ENKUR: variants seen among roughly 807,000 people sequenced by gnomAD.
The protein encoded by ENKUR is enkurin.
ENKUR carries 19 observed loss-of-function variants against 27.6 expected under a neutral mutation model. The observed-to-expected ratio is 0.69, with a 90% CI of 0.48 to 1.01. ENKUR has a LOEUF of 1.01. Ranked by LOEUF, ENKUR falls within the 50% of genes least tolerant of loss-of-function variation. The probability of loss-of-function intolerance (pLI) is 0.00; values close to 1 mark genes in which losing one functional copy is unlikely to be tolerated. For missense variants in ENKUR, 312 were observed against 310.5 expected (o/e 1.00, Z -0.04); for synonymous variants, 117 against 96.9 (o/e 1.21, Z -1.22).
chr10:25,001,315 CTT>C (rs895332861), intron 1 of ENKUR, among the ~76,000 whole-genome samples: 4 of 151,136 alleles, frequency 2.6e-5, no homozygotes, highest in African/African-American at 9.7e-5. Flanking sequence ...CTGTTTTAAA[CTT>C]TTTTTCTCTT....
At chr10:25,053,550 G>T (rs977249749) in intron 2 of ENKUR, among the ~76,000 whole-genome samples, 2 of 151,892 alleles carry the variant, frequency 1.3e-5, no homozygotes, top group Non-Finnish European at 2.9e-5. Context: ...GTCTTTCTGT[G>T]GGCACTAATT....
chr10:24,983,265 C>T lies in ENKUR; in HGVS notation c.*1105G>A, dbSNP rs928999872. The T allele has an allele frequency of 2.6e-5, 4 of 152,230 alleles. No individual in the cohort carries two copies. Among genetic ancestry groups the T allele is most frequent in the South Asian group, 2.1e-4 (1 of 4,816 alleles). 9.4% of individuals were successfully genotyped at this position (152,230 alleles called of 1,614,324 possible). Reference sequence around the variant, plus strand: ...TAAGTTGCTTACTTAGCGATGCAAACGGGAATGATATGCATCATTTCTAGG... The same window carrying T: ...TAAGTTGCTTACTTAGCGATGCAAATGGGAATGATATGCATCATTTCTAGG... On this transcript the variant is annotated 3_prime_UTR_variant, in exon 6 of 6. Coordinates refer to ENST00000331161, the MANE Select transcript of ENKUR (RefSeq NM_145010.4).
intron 2 of ENKUR, among the ~76,000 whole-genome samples, chr10:25,059,916 A>T (rs1851307422): frequency 1.3e-5 from 2 of 151,880 alleles, no homozygotes; most frequent in African/African-American, 2.4e-5. Flanking sequence ...AGGCTAAAAA[A>T]CCCTGGATGA....
At chr10:25,034,411 G>GA (rs1265826210) in intron 2 of ENKUR, among the ~76,000 whole-genome samples, 2 of 151,998 alleles carry the variant, frequency 1.3e-5, no homozygotes, top group Admixed American at 1.3e-4. Flanking sequence ...AAAAAGATGT[G>GA]AAAAAAATAG....
At chr10:25,003,498 C>T (rs114264813) in intron 1 of ENKUR, among the ~76,000 whole-genome samples, 2,653 of 152,250 alleles carry the variant, frequency 0.017, 83 homozygotes, top group African/African-American at 0.061. Flanking sequence ...TGAGCCACTG[C>T]GCCAAGCCTG....
intron 2 of ENKUR, chr10:25,023,402 T>C (rs1408187185): frequency 3.1e-6 from 5 of 1,614,180 alleles, no homozygotes; most frequent in Non-Finnish European, 3.4e-6. Context: ...AATATTATCC[T>C]GATGGGACCT....
intron 2 of ENKUR, among the ~76,000 whole-genome samples, chr10:25,041,776 T>C (rs1457554180): frequency 6.6e-6 from 1 of 152,188 alleles, no homozygotes; most frequent in Non-Finnish European, 1.5e-5. Context: ...TTTTTATTTG[T>C]CTGCTGAGAT....
intron 1 of ENKUR, among the ~76,000 whole-genome samples, chr10:25,009,142 A>T (rs1850381631): frequency 6.6e-6 from 1 of 152,178 alleles, no homozygotes; most frequent in Non-Finnish European, 1.5e-5. Flanking sequence ...GCATTAGGAG[A>T]TATACCTAAC....
chr10:25,056,534 T>A (rs1211621923), intron 2 of ENKUR, among the ~76,000 whole-genome samples: 1 of 152,170 alleles, frequency 6.6e-6, no homozygotes, highest in African/African-American at 2.4e-5. Context: ...TTGTTAAGTC[T>A]CGAGTTGGGA....
intron 2 of ENKUR, chr10:25,026,771 T>C (rs895413917): frequency 6.5e-6 from 1 of 152,956 alleles, no homozygotes; most frequent in Non-Finnish European, 1.5e-5. Flanking sequence ...TAAAGAAATA[T>C]ATTGAAAGTT....
At chr10:25,039,309 G>A (rs1195253987) in intron 2 of ENKUR, among the ~76,000 whole-genome samples, 1 of 152,190 alleles carries the variant, frequency 6.6e-6, no homozygotes, top group African/African-American at 2.4e-5. Flanking sequence ...GCCAGGCACA[G>A]TGGCTCACAC....
intron 3 of ENKUR, among the ~76,000 whole-genome samples, chr10:24,994,594 G>T (rs1850002366): frequency 6.6e-6 from 1 of 152,144 alleles, no homozygotes; most frequent in South Asian, 2.1e-4. Context: ...CTTCTAAAGT[G>T]CTGGGATTAC....
intron 2 of ENKUR, chr10:25,023,510 A>G: frequency 6.2e-7 from 1 of 1,614,158 alleles, no homozygotes; most frequent in African/African-American, 1.3e-5. Flanking sequence ...AAAACCTGGA[A>G]TATGAGTGTG....
rs1379026946 is a variant in ENKUR, at chr10:24,983,862, A to T, written c.*508T>A. 1 of 152,344 alleles carries T rather than the reference A, an allele frequency of 6.6e-6. No individual in the cohort carries two copies. Among genetic ancestry groups the T allele is most frequent in the Non-Finnish European group, 1.5e-5 (1 of 68,124 alleles). The allele number at this position is 152,344 out of a possible 1,614,324, so 9.4% of individuals were successfully genotyped here. Reference sequence around the variant, plus strand: ...AATAACCTTTTCCTTTTAGATATTTAGAGCTATTTTTTCTTATTTTTGGGT... The same window carrying T: ...AATAACCTTTTCCTTTTAGATATTTTGAGCTATTTTTTCTTATTTTTGGGT... On this transcript the variant is annotated 3_prime_UTR_variant, in exon 6 of 6. Coordinates refer to ENST00000331161, the MANE Select transcript of ENKUR (RefSeq NM_145010.4).
intron 2 of ENKUR, among the ~76,000 whole-genome samples, chr10:24,997,773 G>C (rs1163239858): frequency 6.7e-6 from 1 of 149,192 alleles, no homozygotes; most frequent in Non-Finnish European, 1.5e-5. Context: ...AAAATGATAG[G>C]CTTCTTCCTT....
intron 2 of ENKUR, chr10:25,023,542 G>A (rs767810103): frequency 5.0e-6 from 8 of 1,614,064 alleles, no homozygotes; most frequent in Middle Eastern, 1.6e-4. Flanking sequence ...ACAGGATGTT[G>A]GTAATGAGCA....
chr10:24,985,866 G>A (rs374890818), intron 4 of ENKUR, among the ~76,000 whole-genome samples: 16 of 152,260 alleles, frequency 1.1e-4, no homozygotes, highest in African/African-American at 3.8e-4. Flanking sequence ...CCAGGAGTTC[G>A]AGACCAGTGT....
At chr10:25,028,907 T>C (rs1269358253) in intron 2 of ENKUR, among the ~76,000 whole-genome samples, 2 of 152,352 alleles carry the variant, frequency 1.3e-5, no homozygotes, top group East Asian at 3.9e-4. Flanking sequence ...GTTCTGACTC[T>C]TTGAATTTTA....
intron 2 of ENKUR, among the ~76,000 whole-genome samples, chr10:25,038,249 C>G (rs1356485051): frequency 1.3e-5 from 2 of 152,142 alleles, no homozygotes; most frequent in East Asian, 3.9e-4. Flanking sequence ...GAAAAGTGAC[C>G]AAAGTCTGAT....
Sources: allele counts gnomAD v4.1 joint callset (sites outside exome capture counted in the v4.1 genomes callset), GRCh38; gene constraint gnomAD v4.1.1; transcripts MANE v1.5; gene names NCBI Gene and HGNC (gene_info 2026-07-23, HGNC 2026-07-21).